Variants in DMRT1 observed in about 807,000 individuals in gnomAD.
DMRT1 encodes the protein doublesex- and mab-3-related transcription factor 1.
DMRT1 carries 7 observed loss-of-function variants against 32.3 expected under a neutral mutation model. That is an observed-to-expected ratio of 0.22 (90% CI 0.12 to 0.41). DMRT1 has a LOEUF of 0.41. DMRT1 is among the 10% of genes least tolerant of loss of function. The pLI is 1.00. For synonymous variants in DMRT1, 278 were observed against 206.1 expected, an observed-to-expected ratio of 1.35 and a Z score of -2.99; for missense variants, 625 against 500.5, an observed-to-expected ratio of 1.25 and a Z score of -2.37.
rs143346289 is a variant in DMRT1, at chr9:848,552, C to CT, written c.538+1428dup. 7.8e-4 allele frequency among the ~76,000 whole-genome samples: 76 copies of CT among 97,014 alleles called. 1 individual carries two copies. Among genetic ancestry groups the CT allele is most frequent in the East Asian group, 4.1e-3 (14 of 3,414 alleles). The allele number at this position is 97,014 out of a possible 152,430, so 63.6% of individuals were successfully genotyped here. On this transcript the variant is annotated intron_variant, in intron 2 of 4. Transcript: ENST00000382276. ...TAGTTTCCAAACTTTTGTTTCCTTTCTTTTTTTTTTTTTTTTTTTGAGATG... is the reference window on the plus strand; with the variant it reads ...TAGTTTCCAAACTTTTGTTTCCTTTCTTTTTTTTTTTTTTTTTTTTGAGATG...
At chr9:886,077 C>T (rs1586566536) in intron 2 of DMRT1, among the ~76,000 whole-genome samples, 1 of 152,130 alleles carries the variant, frequency 6.6e-6, no homozygotes, top group African/African-American at 2.4e-5. Flanking sequence ...AAATGTTTCC[C>T]TTCAATATAC....
chr9:874,756 G>T (rs1450554307), intron 2 of DMRT1, among the ~76,000 whole-genome samples: 2 of 144,088 alleles, frequency 1.4e-5, no homozygotes, highest in Non-Finnish European at 3.0e-5. Context: ...CTTGGGACTT[G>T]TCATAACCCT....
intron 3 of DMRT1, among the ~76,000 whole-genome samples, chr9:901,078 G>A (rs7861756): frequency 0.74 from 112,400 of 151,744 alleles, 41,816 homozygotes; most frequent in South Asian, 0.8. Context: ...GCAGCAGCAT[G>A]ATCTCAGTTC....
intron 2 of DMRT1, among the ~76,000 whole-genome samples, chr9:877,838 A>G (rs926346443): frequency 1.3e-5 from 2 of 152,184 alleles, no homozygotes; most frequent in Non-Finnish European, 2.9e-5. Flanking sequence ...AGGGAAGGTA[A>G]AAGTCCATGG....
At chr9:924,086 T>TG (rs1818442620) in intron 4 of DMRT1, among the ~76,000 whole-genome samples, 1 of 79,332 alleles carries the variant, frequency 1.3e-5, no homozygotes, top group Non-Finnish European at 3.1e-5. Context: ...TTTTTTTTTT[T>TG]TTCCACCTGG....
chr9:862,324 A>C (rs1217026443), intron 2 of DMRT1, among the ~76,000 whole-genome samples: 3 of 152,006 alleles, frequency 2.0e-5, no homozygotes, highest in Admixed American at 6.6e-5. Flanking sequence ...ACACGGCGAA[A>C]CCCCGTCTCC....
At chr9:928,465 C>G (rs988214416) in intron 4 of DMRT1, among the ~76,000 whole-genome samples, 1 of 152,214 alleles carries the variant, frequency 6.6e-6, no homozygotes, top group African/African-American at 2.4e-5. Context: ...CAGCCATACT[C>G]TCTGCCTCTT....
chr9:953,645 G>A (rs941716769), intron 4 of DMRT1, among the ~76,000 whole-genome samples: 2 of 152,130 alleles, frequency 1.3e-5, no homozygotes, highest in African/African-American at 2.4e-5. Context: ...CTGCTTCTTA[G>A]TTTTCCTCGC....
chr9:946,676 A>T, intron 4 of DMRT1, among the ~76,000 whole-genome samples: 1 of 152,186 alleles, frequency 6.6e-6, no homozygotes, highest in East Asian at 1.9e-4. Context: ...CTTTCTCATT[A>T]CTAGGCGATC....
chr9:859,036 C>T (rs879273455), intron 2 of DMRT1, among the ~76,000 whole-genome samples: 2 of 151,990 alleles, frequency 1.3e-5, no homozygotes, highest in Non-Finnish European at 2.9e-5. Context: ...CCCATTTACC[C>T]CTCTCATGAA....
chr9:942,233 G>T (rs965460060), intron 4 of DMRT1, among the ~76,000 whole-genome samples: 2 of 152,096 alleles, frequency 1.3e-5, no homozygotes, highest in African/African-American at 4.8e-5. Context: ...TTCTTCCTCA[G>T]TTTTGGCAAT....
At chr9:959,845 G>C (rs1424792991) in intron 4 of DMRT1, among the ~76,000 whole-genome samples, 1 of 152,190 alleles carries the variant, frequency 6.6e-6, no homozygotes, top group Non-Finnish European at 1.5e-5. Context: ...ACTGGTTTTA[G>C]ACTTGAGACT....
rs780064237 is a variant in DMRT1, at chr9:842,230, G to GTTTTTTTTTTTTTTTTTTTTTTTTTTTT, written c.354+61_354+62insTTTTTTTTTTTTTTTTTTTTTTTTTTTT. The GTTTTTTTTTTTTTTTTTTTTTTTTTTTT allele has an allele frequency of 3.2e-6, 4 of 1,267,140 alleles. No homozygotes were observed. In the African/African-American group the frequency reaches 6.4e-5, roughly 20 times the overall value. The allele number at this position is 1,267,140 out of a possible 1,614,324, so 78.5% of individuals were successfully genotyped here. ...GTGCGGGAGCCCGGGTTCAGCCTTAGTTTTTTTTTTTTTTTTTTTTTTTAG... is the reference window on the plus strand; with the variant it reads ...GTGCGGGAGCCCGGGTTCAGCCTTAGTTTTTTTTTTTTTTTTTTTTTTTTTTTTTTTTTTTTTTTTTTTTTTTTTTTAG... On this transcript the variant is annotated intron_variant, in intron 1 of 4. Coordinates refer to ENST00000382276, the MANE Select transcript of DMRT1 (RefSeq NM_021951.3).
intron 4 of DMRT1, among the ~76,000 whole-genome samples, chr9:961,790 A>G (rs1203606567): frequency 2.8e-4 from 42 of 152,360 alleles, no homozygotes; most frequent in Non-Finnish European, 4.4e-5. Context: ...GAATCTTCTC[A>G]CATTAAGACA....
At position 916,523 on chromosome 9, in the gene DMRT1, A is replaced by G. The variant is rs567477684; in HGVS notation, c.823-240A>G. On this transcript the variant is annotated intron_variant, in intron 3 of 4. Coordinates refer to ENST00000382276, the MANE Select transcript of DMRT1 (RefSeq NM_021951.3). ...GTAGCTGAGATCTCACTCGTGCACT[A>G]TCACACCCAAACAATTTTTTGATTT... Among the ~76,000 whole-genome samples the G allele has an allele frequency of 2.6e-5, 4 of 152,230 alleles. No homozygotes were observed. The South Asian group carries it at 6.2e-4, about 24-fold the overall frequency.
intron 2 of DMRT1, among the ~76,000 whole-genome samples, chr9:849,814 GCTCTCTCT>G (rs60583253): frequency 6.8e-6 from 1 of 148,046 alleles, no homozygotes; most frequent in East Asian, 2.0e-4. Context: ...AGGACGATGG[GCTCTCTCT>G]CTCTCTCTTT....
intron 4 of DMRT1, among the ~76,000 whole-genome samples, chr9:956,716 G>A (rs1013148774): frequency 6.6e-6 from 1 of 152,150 alleles, no homozygotes; most frequent in Non-Finnish European, 1.5e-5. Flanking sequence ...TTGACCAGGG[G>A]AAGAAATAAT....
At chr9:885,865 C>A (rs1226893597) in intron 2 of DMRT1, among the ~76,000 whole-genome samples, 2 of 152,162 alleles carry the variant, frequency 1.3e-5, no homozygotes, top group African/African-American at 4.8e-5. Context: ...CTGTAAGGGA[C>A]TACTGGTTAA....
rs536081515 is a variant in DMRT1 at position 960,395 on chromosome 9, A to G, written c.968-7590A>G. ...TTAATAAAAATCCTATTAATTTCCA[A>G]TGGAGTACAGACACTCACAATTCTT... On this transcript the variant is annotated intron_variant, in intron 4 of 4. Transcript: ENST00000382276. Among the ~76,000 whole-genome samples the G allele has an allele frequency of 7.2e-5, 11 of 152,258 alleles. No homozygotes were observed. In the East Asian group the frequency reaches 7.7e-4, roughly 11 times the overall value.
Sources: allele counts gnomAD v4.1 joint callset (sites outside exome capture counted in the v4.1 genomes callset), GRCh38; gene constraint gnomAD v4.1.1; transcripts MANE v1.5; gene names NCBI Gene and HGNC (gene_info 2026-07-23, HGNC 2026-07-21).